MYO15A: variants seen among roughly 807,000 people sequenced by gnomAD.
MYO15A encodes the protein myosin XVA.
In MYO15A, 308 loss-of-function variants were observed where a neutral mutation model predicts 394.6. The ratio of observed to expected loss-of-function variants is 0.78; its 90% CI spans 0.71 to 0.86. The LOEUF (loss-of-function observed/expected upper bound fraction) is 0.86, where lower values mean the gene tolerates loss of function less well. Among genes scored for constraint, MYO15A ranks in the 40% least tolerant of loss-of-function variants. The pLI is 0.00. For synonymous variants in MYO15A, 1,957 were observed against 2,003.8 expected (o/e 0.98, Z 0.62); for missense variants, 4,606 against 4,799.1 (o/e 0.96, Z 1.19).
rs113511281 is a variant in MYO15A, at chr17:18,112,667, C to T, written c.-220+3843C>T. 9.2e-3 allele frequency among the ~76,000 whole-genome samples: 1,396 copies of T among 152,272 alleles called. 17 individuals carry two copies. The highest frequency in any genetic ancestry group is 0.032 in the African/African-American group (1,337 of 41,518). Reference sequence around the variant, plus strand: ...GAGTGATCCACCTGCCTCGGCCTCCCGAAGTGCTGGGACTACAGGTGTGAG... The same window carrying T: ...GAGTGATCCACCTGCCTCGGCCTCCTGAAGTGCTGGGACTACAGGTGTGAG... On this transcript the variant is annotated intron_variant, in intron 1 of 65. Coordinates refer to ENST00000647165, the MANE Select transcript of MYO15A (RefSeq NM_016239.4).
At chr17:18,110,538 G>T (rs1486263729) in intron 1 of MYO15A, 2 of 152,252 alleles carry the variant, frequency 1.3e-5, no homozygotes, top group Non-Finnish European at 2.9e-5. Flanking sequence ...GCCGTTCTGA[G>T]CACAGGTCTT....
rs762026039 is a variant in MYO15A at position 18,121,208 on chromosome 17, C to A, written c.2408C>A (p.Thr803Lys). 2.0e-6 allele frequency: 3 copies of A among 1,499,952 alleles called. No individual in the cohort carries two copies. Among genetic ancestry groups the A allele is most frequent in the East Asian group, 2.8e-5 (1 of 35,874 alleles). 92.9% of individuals were successfully genotyped at this position (1,499,952 alleles called of 1,614,324 possible). Residue 803 changes from threonine (T) to lysine (K), a missense_variant, in exon 2 of 66, where the codon ACG becomes AAG. Around this residue, in one of 2 missense-constraint regions of MYO15A, gnomAD observed 1,830 missense variants for 1,689.7 expected, o/e 1.08. Coordinates refer to ENST00000647165, the MANE Select transcript of MYO15A (RefSeq NM_016239.4). The surrounding 1 kb of genome is among the most constrained non-coding windows in gnomAD (Gnocchi z 5.3). Reference protein sequence around the residue: ...APPSPQLSLRTGPFQPPFLPP... With the variant: ...APPSPQLSLRKGPFQPPFLPP... Reference sequence around the variant, plus strand: ...CCGTCGCCTCAGCTGTCCTTGCGCACGGGCCCCTTCCAGCCGCCCTTCCTG... The same window carrying A: ...CCGTCGCCTCAGCTGTCCTTGCGCAAGGGCCCCTTCCAGCCGCCCTTCCTG...
Position 18,120,684 on chromosome 17 carries a change from G to C in MYO15A, c.1884G>C (p.Leu628=). Residue 628 remains leucine, a synonymous_variant, in exon 2 of 66, where the codon CTG becomes CTC. Coordinates refer to ENST00000647165, the MANE Select transcript of MYO15A (RefSeq NM_016239.4). ...AGAAGCCCGGCACGCCCATCGTGCTGAGGAGGGCCCAGCCACGCGCTCGCA... is the reference window on the plus strand; with the variant it reads ...AGAAGCCCGGCACGCCCATCGTGCTCAGGAGGGCCCAGCCACGCGCTCGCA... The part of the protein sequence containing the change: ...DPEKPGTPIV[L]RRAQPRARSS... The C allele has an allele frequency of 6.4e-7, 1 of 1,573,572 alleles. No individual in the cohort carries two copies. Among genetic ancestry groups the C allele is most frequent in the Non-Finnish European group, 8.6e-7 (1 of 1,165,738 alleles).
chr17:18,155,443 G>A lies in MYO15A; in HGVS notation c.8459+11G>A. The A allele has an allele frequency of 1.9e-6, 3 of 1,605,516 alleles. No individual in the cohort carries two copies. Among genetic ancestry groups the A allele is most frequent in the Non-Finnish European group, 2.6e-6 (3 of 1,173,874 alleles). The stretch of plus-strand genomic sequence containing the variant: ...CCTGCGTGCATACAGGTGACCAGCA[G>A]GGGTGAAGTGGGGCTGGCTGGAGAC... On this transcript the variant is annotated intron_variant, in intron 47 of 65. Coordinates refer to ENST00000647165, the MANE Select transcript of MYO15A (RefSeq NM_016239.4).
chr17:18,157,476 G>C (rs747216191), intron 50 of MYO15A: 97 of 891,796 alleles, frequency 1.1e-4, no homozygotes, highest in Non-Finnish European at 1.6e-4. Context: ...GTCTCCACAT[G>C]ACCTGAGAGT....
chr17:18,111,409 A>G (rs2142220806), intron 1 of MYO15A, among the ~76,000 whole-genome samples: 1 of 152,192 alleles, frequency 6.6e-6, no homozygotes, highest in East Asian at 1.9e-4. Context: ...CCATGAGAGC[A>G]GAGATCATGT....
chr17:18,176,541 C>CTTTTTTTTTTTTTTTTTT (rs35105114), intron 65 of MYO15A: 5 of 93,436 alleles, frequency 5.4e-5, no homozygotes, highest in Non-Finnish European at 8.4e-5. Context: ...TTTTACTTTT[C>CTTTTTTTTTTTTTTTTTT]TTTTTTTTTT....
Position 18,151,888 on chromosome 17 carries a change from T to C in MYO15A, c.7830T>C (p.His2610=), listed in dbSNP as rs2142371777. 1 of 1,578,202 alleles carries C rather than the reference T, an allele frequency of 6.3e-7. No homozygotes were observed. Among genetic ancestry groups the C allele is most frequent in the Non-Finnish European group, 8.6e-7 (1 of 1,162,156 alleles). ...GKVFMKRPDP[H]EEALMILKGQ... is the part of the protein sequence containing the mutation. ...TGTTCATGAAGCGGCCAGACCCTCA[T>C]GAGGAGGCCCTGATGATCCTGAAAG... The change falls in exon 41 of 66, where the codon CAT becomes CAC. Residue 2610 remains histidine (H), a synonymous_variant. Transcript: ENST00000647165.
At chr17:18,149,397 G>C (rs998461892) in intron 34 of MYO15A, 21 bp downstream of exon 34, 2 of 1,608,516 alleles carry the variant, frequency 1.2e-6, no homozygotes, top group Non-Finnish European at 1.7e-6. Flanking sequence ...AATGGCTGCT[G>C]TCTCTGGTGG....
At chr17:18,124,896 G>C in intron 3 of MYO15A, 2 of 591,136 alleles carry the variant, frequency 3.4e-6, no homozygotes, top group Non-Finnish European at 6.0e-6. Flanking sequence ...GGCCGTGTTG[G>C]TCAGCATCAT....
Position 18,132,328 on chromosome 17 carries a change from G to C in MYO15A, c.4207-125G>C. 2.7e-6 allele frequency: 2 copies of C among 748,382 alleles called. No individual in the cohort carries two copies. Among genetic ancestry groups the C allele is most frequent in the Non-Finnish European group, 4.7e-6 (2 of 426,300 alleles). 46.4% of individuals were successfully genotyped at this position (748,382 alleles called of 1,614,324 possible). The stretch of plus-strand genomic sequence containing the variant: ...TGGGAGCCTCACCCATCACAGAGGC[G>C]CGTGTTCTCATCTGCAGCCCACTGT... On this transcript the variant is annotated intron_variant, in intron 10 of 65. Transcript: ENST00000647165. This position sits in a 1 kb window ranked among gnomAD's most constrained non-coding sequence, Gnocchi z 4.6.
intron 21 of MYO15A, 25 bp downstream of exon 21, chr17:18,140,857 G>C: frequency 6.2e-7 from 1 of 1,613,950 alleles, no homozygotes; most frequent in Non-Finnish European, 8.5e-7. Flanking sequence ...AGGCCTCTGA[G>C]AGAGCCAAAT....
intron 62 of MYO15A, among the ~76,000 whole-genome samples, chr17:18,168,850 C>T (rs1286867136): frequency 1.3e-5 from 2 of 151,790 alleles, no homozygotes; most frequent in Admixed American, 1.3e-4. Context: ...ACTTGTAATC[C>T]CAGTACTTTG....
chr17:18,175,323 C>T (rs913856687), intron 65 of MYO15A, among the ~76,000 whole-genome samples: 1 of 52,658 alleles, frequency 1.9e-5, no homozygotes, highest in African/African-American at 6.7e-5. Flanking sequence ...CAAAGTCTTG[C>T]TCTGTTGCCC....
At chr17:18,126,680 G>A in intron 5 of MYO15A, 111 bp from the exon 6 acceptor site, 2 of 1,301,834 alleles carry the variant, frequency 1.5e-6, no homozygotes, top group South Asian at 1.2e-5. Context: ...CCAACAGGGT[G>A]AGGGGTGGGC....
Position 18,151,293 on chromosome 17 carries a change from G to T in MYO15A, c.7654+3G>T. 6.2e-7 allele frequency: 1 copy of T among 1,614,184 alleles called. No individual in the cohort carries two copies. Among genetic ancestry groups the T allele is most frequent in the Non-Finnish European group, 8.5e-7 (1 of 1,180,036 alleles). On this transcript the variant is annotated splice_donor_region_variant and intron_variant, in intron 39 of 65. Transcript: ENST00000647165. ...GGATCAGGCTTCTCCAGAAACCAGT[G>T]AGTGCCCTATCCCAGCCTCTGGGGC... is the stretch of plus-strand genomic sequence containing the variant.
chr17:18,146,364 G>A (rs2046481044), intron 30 of MYO15A, among the ~76,000 whole-genome samples: 1 of 152,196 alleles, frequency 6.6e-6, no homozygotes, highest in Admixed American at 6.5e-5. Flanking sequence ...AGACCAGCAT[G>A]TGGAGAATTT....
In MYO15A at chr17:18,118,657, G is replaced by C; in HGVS notation, c.-144G>C. The C allele has an allele frequency of 7.7e-7, 1 of 1,302,562 alleles. No homozygotes were observed. Among genetic ancestry groups the C allele is most frequent in the South Asian group, 1.4e-5 (1 of 69,478 alleles). The allele number at this position is 1,302,562 out of a possible 1,614,324, so 80.7% of individuals were successfully genotyped here. A position where few individuals can be genotyped will look rare whatever the true frequency, so the allele number is the denominator to read the frequency against. ...GGAATCCTGGCTCGGCCCTCCCCAC[G>C]CCACCCAGGGCCAGTCGGGTCTGCT... On this transcript the variant is annotated 5_prime_UTR_variant, in exon 2 of 66. Transcript: ENST00000647165.
chr17:18,175,784 G>A (rs964043914), intron 65 of MYO15A, among the ~76,000 whole-genome samples: 11 of 152,130 alleles, frequency 7.2e-5, no homozygotes, highest in African/African-American at 1.9e-4. Context: ...CTTTCCTCCC[G>A]ATCCTCCCAG....
Sources: gnomAD v4.1 joint callset for allele counts (sites outside exome capture counted in the v4.1 genomes callset) on GRCh38, gnomAD v4.1.1 for gene constraint, gnomAD v4.1.1 regional missense constraint, Gnocchi (gnomAD v3.1) non-coding constraint, MANE v1.5 for transcripts, NCBI Gene and HGNC (gene_info 2026-07-23, HGNC 2026-07-21) for gene names.